The following GALNT7 variants were observed in gnomAD, a reference collection of about 807,000 sequenced individuals.
GALNT7 encodes the protein N-acetylgalactosaminyltransferase 7.
GALNT7 carries 60 observed loss-of-function variants against 82.1 expected under a neutral mutation model. That is an observed-to-expected ratio of 0.73 (90% CI 0.59 to 0.91). GALNT7 has a LOEUF of 0.91. Among genes scored for constraint, GALNT7 ranks in the 40% least tolerant of loss-of-function variants. The pLI, the probability that GALNT7 is intolerant of heterozygous loss-of-function variation, is 0.00. For missense variants in GALNT7, 660 were observed against 804.2 expected, an observed-to-expected ratio of 0.82 and a Z score of 2.17; for synonymous variants, 243 against 275.1, an observed-to-expected ratio of 0.88 and a Z score of 1.15.
intron 1 of GALNT7, among the ~76,000 whole-genome samples, chr4:173,194,688 G>A (rs1192379662): frequency 8.6e-5 from 13 of 151,960 alleles, no homozygotes; most frequent in Admixed American, 5.9e-4. Flanking sequence ...TGTGCACAAC[G>A]TGCAGGTTTG....
At chr4:173,217,485 GA>G (rs1430699577) in intron 1 of GALNT7, among the ~76,000 whole-genome samples, 2 of 152,130 alleles carry the variant, frequency 1.3e-5, no homozygotes, top group Admixed American at 6.5e-5. Context: ...ACATCTACTA[GA>G]ACATAAGGTT....
intron 2 of GALNT7, among the ~76,000 whole-genome samples, chr4:173,285,009 A>G (rs1011506637): frequency 6.6e-6 from 1 of 152,234 alleles, no homozygotes; most frequent in Non-Finnish European, 1.5e-5. Context: ...ATTTACAGAA[A>G]AAAATATATA....
intron 1 of GALNT7, among the ~76,000 whole-genome samples, chr4:173,217,368 A>G (rs552110051): frequency 1.1e-4 from 17 of 152,312 alleles, no homozygotes; most frequent in South Asian, 2.1e-4. Context: ...TATTACTACC[A>G]TTGGAAGAAC....
chr4:173,172,849 C>A (rs995505100), intron 1 of GALNT7, among the ~76,000 whole-genome samples: 1 of 152,062 alleles, frequency 6.6e-6, no homozygotes, highest in African/African-American at 2.4e-5. Flanking sequence ...GCATGGGTCT[C>A]GTAGTCCATG....
At chr4:173,191,352 T>C (rs1732623413) in intron 1 of GALNT7, among the ~76,000 whole-genome samples, 1 of 152,162 alleles carries the variant, frequency 6.6e-6, no homozygotes, top group African/African-American at 2.4e-5. Context: ...GAGTTGCCTT[T>C]AAGCAGCGAG....
At chr4:173,246,637 A>G (rs1040269836) in intron 1 of GALNT7, among the ~76,000 whole-genome samples, 27 of 152,288 alleles carry the variant, frequency 1.8e-4, no homozygotes, top group African/African-American at 6.3e-4. Context: ...CTTGACTACT[A>G]ATTTCACGTC....
At chr4:173,284,002 G>A (rs1736218888) in intron 2 of GALNT7, among the ~76,000 whole-genome samples, 2 of 152,192 alleles carry the variant, frequency 1.3e-5, no homozygotes, top group South Asian at 4.1e-4. Flanking sequence ...GTTGTTAAAA[G>A]CTCTAGCTAA....
At chr4:173,266,280 A>T (rs939961850) in intron 2 of GALNT7, among the ~76,000 whole-genome samples, 3 of 152,194 alleles carry the variant, frequency 2.0e-5, no homozygotes, top group Non-Finnish European at 2.9e-5. Flanking sequence ...AAGAAAAAGA[A>T]AAGAAAAGAA....
chr4:173,295,676 T>G, intron 4 of GALNT7, 88 bp from the exon 5 acceptor site: 1 of 1,137,624 alleles, frequency 8.8e-7, no homozygotes, highest in Non-Finnish European at 1.3e-6. Context: ...ATAATGCTAA[T>G]TTTTATTAGC....
chr4:173,230,334 G>A (rs1025494160), intron 1 of GALNT7, among the ~76,000 whole-genome samples: 2 of 152,088 alleles, frequency 1.3e-5, no homozygotes, highest in Non-Finnish European at 2.9e-5. Flanking sequence ...GCTTCCTGTT[G>A]CTTAACTACT....
At chr4:173,240,015 C>G (rs1451842455) in intron 1 of GALNT7, among the ~76,000 whole-genome samples, 1 of 152,158 alleles carries the variant, frequency 6.6e-6, no homozygotes, top group African/African-American at 2.4e-5. Context: ...TACCTAATCA[C>G]TGGAATAATC....
At position 173,248,310 on chromosome 4, in the gene GALNT7, G is replaced by T. The variant is rs1734734002; in HGVS notation, c.457G>T (p.Ala153Ser). Residue 153 changes from alanine to serine, a missense_variant, in exon 2 of 12, where the codon GCC becomes TCC. Ala to Ser is a moderately conservative substitution (Grantham distance 99, BLOSUM62 1). Transcript: ENST00000265000. The stretch of plus-strand genomic sequence containing the variant: ...AGTGGTTGGTGGCCCTGGAGAGAAA[G>T]CCAAGCCATTGGTTTTGGGACCAGA... ...PGVVGGPGEK[A>S]KPLVLGPEFK... The T allele has an allele frequency of 6.2e-7, 1 of 1,613,720 alleles. No homozygotes were observed. The highest frequency in any genetic ancestry group is 8.5e-7 in the Non-Finnish European group (1 of 1,179,664).
intron 9 of GALNT7, among the ~76,000 whole-genome samples, chr4:173,314,474 T>A (rs1054152119): frequency 6.6e-6 from 1 of 152,174 alleles, no homozygotes; most frequent in African/African-American, 2.4e-5. Context: ...TAATTTCAAT[T>A]TATCTTACTG....
chr4:173,248,557 A>G lies in GALNT7; in HGVS notation c.587+117A>G, dbSNP rs1019968596. On this transcript the variant is annotated intron_variant, in intron 2 of 11. Coordinates refer to ENST00000265000, the MANE Select transcript of GALNT7 (RefSeq NM_017423.3). ...TTATTGATGCCTTTATTTCAAGGAA[A>G]TAAGAGGATCTTTGAACAGCAAAAT... is the stretch of plus-strand genomic sequence containing the variant. 4 of 677,782 alleles carry G rather than the reference A, an allele frequency of 5.9e-6. No homozygotes were observed. The Admixed American group carries it at 1.2e-4, about 20-fold the overall frequency. 42.0% of individuals were successfully genotyped at this position (677,782 alleles called of 1,614,324 possible).
At chr4:173,237,424 T>C (rs1040994152) in intron 1 of GALNT7, among the ~76,000 whole-genome samples, 1 of 152,198 alleles carries the variant, frequency 6.6e-6, no homozygotes, top group Admixed American at 6.5e-5. Flanking sequence ...GTTTCTCCCC[T>C]AGAGGGATAA....
chr4:173,183,930 C>G (rs1448668323), intron 1 of GALNT7, among the ~76,000 whole-genome samples: 1 of 151,084 alleles, frequency 6.6e-6, no homozygotes, highest in South Asian at 2.1e-4. Context: ...GACGGGGCGG[C>G]CAGGCAGAGA....
chr4:173,175,635 T>G (rs959336411), intron 1 of GALNT7, among the ~76,000 whole-genome samples: 6 of 152,262 alleles, frequency 3.9e-5, no homozygotes, highest in Admixed American at 3.9e-4. Context: ...TTTTGACTTT[T>G]CAATGGGTTT....
intron 2 of GALNT7, among the ~76,000 whole-genome samples, chr4:173,287,892 T>C (rs984970102): frequency 2.0e-5 from 3 of 152,150 alleles, no homozygotes; most frequent in African/African-American, 4.8e-5. Flanking sequence ...TAGTGAAACA[T>C]TGAAATCCCA....
intron 1 of GALNT7, among the ~76,000 whole-genome samples, chr4:173,187,215 A>G (rs1732488369): frequency 6.6e-6 from 1 of 152,214 alleles, no homozygotes; most frequent in African/African-American, 2.4e-5. Context: ...GCCTAAATAT[A>G]TGTACTATAC....
Sources: allele counts gnomAD v4.1 joint callset (sites outside exome capture counted in the v4.1 genomes callset), GRCh38; gene constraint gnomAD v4.1.1; transcripts MANE v1.5; gene names NCBI Gene and HGNC (gene_info 2026-07-23, HGNC 2026-07-21).